The following MORN5 variants were observed in gnomAD, a reference collection of about 807,000 sequenced individuals.
MORN5 encodes the protein MORN repeat-containing protein 5.
MORN5 carries 21 observed loss-of-function variants against 22.1 expected under a neutral mutation model. The ratio of observed to expected loss-of-function variants is 0.95; its 90% confidence interval spans 0.67 to 1.37. The LOEUF (loss-of-function observed/expected upper bound fraction) is 1.37. Ranked by LOEUF, MORN5 falls within the 40% of genes most tolerant of loss-of-function variation. MORN5 has a pLI of 0.00. For missense variants in MORN5, 211 were observed against 215.1 expected (o/e 0.98, Z 0.12); for synonymous variants, 73 against 74.0 (o/e 0.99, Z 0.07).
chr9:122,172,471 G>A (rs1476016639), intron 3 of MORN5, among the ~76,000 whole-genome samples: 1 of 151,952 alleles, frequency 6.6e-6, no homozygotes. Flanking sequence ...GTTTCTCAAA[G>A]AGACCACACT....
chr9:122,172,340 G>A (rs1271744592), intron 3 of MORN5, among the ~76,000 whole-genome samples: 1 of 133,284 alleles, frequency 7.5e-6, no homozygotes, highest in Non-Finnish European at 1.6e-5. Flanking sequence ...CTCAAGATAA[G>A]GTTTCAAATT....
chr9:122,198,516 G>A (rs936881357), intron 4 of MORN5, among the ~76,000 whole-genome samples: 2 of 152,190 alleles, frequency 1.3e-5, no homozygotes, highest in Non-Finnish European at 2.9e-5. Flanking sequence ...CAAGGGAAGG[G>A]AGGAGTGGCA....
At chr9:122,185,247 G>C (rs578213410) in intron 4 of MORN5, among the ~76,000 whole-genome samples, 1 of 151,098 alleles carries the variant, frequency 6.6e-6, no homozygotes, top group East Asian at 2.0e-4. Flanking sequence ...TTTTGAGACA[G>C]AGTCTTGCTC....
intron 1 of MORN5, among the ~76,000 whole-genome samples, chr9:122,163,090 ATG>A (rs1405486301): frequency 6.6e-6 from 1 of 152,026 alleles, no homozygotes; most frequent in Non-Finnish European, 1.5e-5. Context: ...CCTCAATATT[ATG>A]GTTTCTTTGG....
At chr9:122,163,841 T>A (rs1295796215) in intron 1 of MORN5, among the ~76,000 whole-genome samples, 2 of 152,216 alleles carry the variant, frequency 1.3e-5, no homozygotes, top group Non-Finnish European at 2.9e-5. Context: ...TGGTAGAGAC[T>A]CAGTAAATGT....
chr9:122,190,029 A>T (rs1215379231), intron 4 of MORN5, among the ~76,000 whole-genome samples: 1 of 151,736 alleles, frequency 6.6e-6, no homozygotes, highest in African/African-American at 2.4e-5. Context: ...TTTTCCCCTC[A>T]CCCATCAACT....
chr9:122,192,486 A>G (rs1829793758), intron 4 of MORN5, among the ~76,000 whole-genome samples: 1 of 152,188 alleles, frequency 6.6e-6, no homozygotes, highest in Non-Finnish European at 1.5e-5. Context: ...TGAAGAGCTG[A>G]TATTTCCTTG....
chr9:122,188,029 G>A (rs574728874), intron 4 of MORN5, among the ~76,000 whole-genome samples: 2 of 152,286 alleles, frequency 1.3e-5, no homozygotes, highest in East Asian at 3.9e-4. Flanking sequence ...CTTGTGTGTT[G>A]GGGAATGGGG....
rs180874173 is a variant in MORN5, at chr9:122,166,426, A to G, written c.48-342A>G. On this transcript the variant is annotated intron_variant, in intron 1 of 4. Coordinates refer to ENST00000373764, the MANE Select transcript of MORN5 (RefSeq NM_198469.4). ...GAAATCACAGAACTAGCTGCCAGAA[A>G]ACCTGGGCTCTAGTGTCCACAGTTT... is the stretch of plus-strand genomic sequence containing the variant. 1.2e-3 allele frequency among the ~76,000 whole-genome samples: 181 copies of G among 152,156 alleles called. 1 individual carries two copies. Among genetic ancestry groups the G allele is most frequent in the Non-Finnish European group, 1.5e-3 (101 of 68,016 alleles).
At chr9:122,196,434 A>G (rs1481540794) in intron 4 of MORN5, among the ~76,000 whole-genome samples, 7 of 151,396 alleles carry the variant, frequency 4.6e-5, no homozygotes, top group South Asian at 4.2e-4. Flanking sequence ...CCTGGGTTCA[A>G]GTGATTCTCC....
intron 4 of MORN5, among the ~76,000 whole-genome samples, chr9:122,198,698 G>A (rs775454887): frequency 2.6e-5 from 4 of 152,146 alleles, no homozygotes; most frequent in African/African-American, 9.7e-5. Context: ...GGCCAAGAAC[G>A]CTTGTCCCAG....
At position 122,169,649 on chromosome 9, in the gene MORN5, C is replaced by T. The variant is rs760458404; in HGVS notation, c.200C>T (p.Thr67Ile). Residue 67 changes from threonine (T) to isoleucine (I), a missense_variant, in exon 3 of 5, where the codon ACA (threonine) becomes ATA (isoleucine). Physicochemically the swap from Thr to Ile is moderately conservative, Grantham distance 89 (BLOSUM62 -1). Transcript: ENST00000373764. ...IWENGLAIKG[T>I]YTFSDGLHYD... ...TGTGTGCTCCTTGTCTTCCAGGGCA[C>T]ATATACGTTCTCAGATGGGCTGCAC... is the stretch of plus-strand genomic sequence containing the variant. The T allele has an allele frequency of 1.2e-6, 2 of 1,611,496 alleles. No individual in the cohort carries two copies. The highest frequency in any genetic ancestry group is 2.7e-5 in the African/African-American group (2 of 74,864).
intron 4 of MORN5, among the ~76,000 whole-genome samples, chr9:122,175,910 C>G (rs905730823): frequency 6.6e-6 from 1 of 151,790 alleles, no homozygotes; most frequent in Non-Finnish European, 1.5e-5. Context: ...GTCAGGAGAT[C>G]GAGACCATCC....
Position 122,169,674 on chromosome 9 carries a change from C to T in MORN5, c.225C>T (p.His75=), listed in dbSNP as rs145821515. 858 of 1,614,010 alleles carry T rather than the reference C, an allele frequency of 5.3e-4. 2 individuals carry two copies. The African/African-American group carries it at 9.9e-3, about 19-fold the overall frequency. The stretch of plus-strand genomic sequence containing the variant: ...CATATACGTTCTCAGATGGGCTGCA[C>T]TATGATGAGAAAAACTGGCATTACT... ...KGTYTFSDGL[H]YDEKNWHYCD... is the part of the protein sequence containing the mutation. Residue 75 remains histidine (H), a synonymous_variant, in exon 3 of 5, where the codon CAC becomes CAT. Transcript: ENST00000373764.
intron 4 of MORN5, among the ~76,000 whole-genome samples, chr9:122,198,155 G>A (rs532704981): frequency 6.6e-6 from 1 of 152,292 alleles, no homozygotes; most frequent in South Asian, 2.1e-4. Flanking sequence ...TGACTGGGCT[G>A]TTACAAAGAT....
intron 3 of MORN5, among the ~76,000 whole-genome samples, chr9:122,172,046 C>T (rs1196216105): frequency 6.8e-6 from 1 of 146,330 alleles, no homozygotes; most frequent in Non-Finnish European, 1.5e-5. Flanking sequence ...CTTTGAACTC[C>T]TGGGCTCAAG....
intron 1 of MORN5, among the ~76,000 whole-genome samples, chr9:122,166,271 T>A (rs866476200): frequency 1.3e-5 from 2 of 149,752 alleles, no homozygotes; most frequent in African/African-American, 2.5e-5. Context: ...ACAATATTAG[T>A]ATCCAAGATT....
At chr9:122,165,395 CAAAAAAAAAAAA>C (rs59306308) in intron 1 of MORN5, among the ~76,000 whole-genome samples, 1 of 82,998 alleles carries the variant, frequency 1.2e-5, no homozygotes, top group African/African-American at 5.8e-5. Flanking sequence ...CCCGTCTCTA[CAAAAAAAAAAAA>C]AAAAAAAAAA....
At chr9:122,180,553 T>A (rs1270889320) in intron 4 of MORN5, among the ~76,000 whole-genome samples, 1 of 152,198 alleles carries the variant, frequency 6.6e-6, no homozygotes, top group African/African-American at 2.4e-5. Context: ...CCCAAAGTGC[T>A]GGGATTATAG....
Sources: allele counts gnomAD v4.1 joint callset (sites outside exome capture counted in the v4.1 genomes callset), GRCh38; gene constraint gnomAD v4.1.1; transcripts MANE v1.5; gene names NCBI Gene and HGNC (gene_info 2026-07-23, HGNC 2026-07-21).